Variants in IL1RAPL1 observed in about 807,000 individuals in gnomAD.
IL1RAPL1 encodes the protein interleukin 1 receptor accessory protein like 1, also known as interleukin-1 receptor accessory protein-like 1.
IL1RAPL1 carries 3 observed loss-of-function variants against 48.4 expected under a neutral mutation model. The ratio of observed to expected loss-of-function variants is 0.06; its 90% CI spans 0.03 to 0.16. The LOEUF is 0.16. IL1RAPL1 is among the 10% of genes least tolerant of loss of function. The pLI is 1.00. For synonymous variants in IL1RAPL1, 185 were observed against 187.7 expected, an observed-to-expected ratio of 0.99 and a Z score of 0.12; for missense variants, 349 against 530.6, an observed-to-expected ratio of 0.66 and a Z score of 3.36.
rs931334171 is a variant in IL1RAPL1 at position 29,495,234 on chromosome X, T to C, written c.703+95926T>C. Among the ~76,000 whole-genome samples, 3 of 112,167 alleles carry C rather than the reference T, an allele frequency of 2.7e-5. No individual in the cohort carries two copies. The East Asian group carries it at 8.4e-4, about 31-fold the overall frequency. On this transcript the variant is annotated intron_variant, in intron 5 of 10. Transcript: ENST00000378993. ...GACATTTTCAAATTCGGTTTGAAAA[T>C]ACAACTAGAGTTTACCATTATTTAT...
intron 3 of IL1RAPL1, among the ~76,000 whole-genome samples, chrX:29,363,516 G>T (rs1372105764): frequency 2.7e-5 from 3 of 111,450 alleles, no homozygotes; most frequent in African/African-American, 9.8e-5. Context: ...GAAAAAATAC[G>T]AATGCAGAAG....
chrX:28,725,551 C>A (rs1466119717), intron 1 of IL1RAPL1, among the ~76,000 whole-genome samples: 3 of 111,695 alleles, frequency 2.7e-5, no homozygotes, highest in African/African-American at 9.8e-5. Flanking sequence ...TGTGTGCCAC[C>A]CTCTTAGCAC....
Position 29,269,096 on chromosome X carries a change from C to T in IL1RAPL1, c.83-13842C>T, listed in dbSNP as rs143692129. Among the ~76,000 whole-genome samples the T allele has an allele frequency of 6.8e-4, 76 of 112,051 alleles. No homozygotes were observed. The East Asian group carries it at 0.015, about 22-fold the overall frequency. On this transcript the variant is annotated intron_variant, in intron 2 of 10. Coordinates refer to ENST00000378993, the MANE Select transcript of IL1RAPL1 (RefSeq NM_014271.4). ...GTTCCTCTTTAAAGCTATTTATTAA[C>T]CATACAAAAACATACTTTCACTCAC... is the stretch of plus-strand genomic sequence containing the variant.
At chrX:29,945,230 G>A (rs1000285364) in intron 9 of IL1RAPL1, among the ~76,000 whole-genome samples, 4 of 111,719 alleles carry the variant, frequency 3.6e-5, no homozygotes, top group African/African-American at 1.3e-4. Flanking sequence ...TGCTTTTATG[G>A]TCAAAGAATG....
intron 2 of IL1RAPL1, among the ~76,000 whole-genome samples, chrX:28,931,651 A>T (rs1225538830): frequency 8.9e-6 from 1 of 112,068 alleles, no homozygotes; most frequent in East Asian, 2.8e-4. Context: ...ATTACAATGT[A>T]GTTGAATTGT....
intron 2 of IL1RAPL1, among the ~76,000 whole-genome samples, chrX:29,047,667 A>G (rs1018555819): frequency 4.5e-5 from 5 of 111,285 alleles, no homozygotes; most frequent in African/African-American, 1.6e-4. Flanking sequence ...ACCTGTGACC[A>G]CAGAGCCCAA....
At chrX:29,280,042 A>G (rs1255061751) in intron 2 of IL1RAPL1, among the ~76,000 whole-genome samples, 1 of 112,252 alleles carries the variant, frequency 8.9e-6, no homozygotes, top group East Asian at 2.8e-4. Context: ...TCCATGACAG[A>G]TAGTCAGTTA....
rs545469762 is a variant in IL1RAPL1, at chrX:29,503,346, C to T, written c.703+104038C>T. 9.0e-5 allele frequency among the ~76,000 whole-genome samples: 10 copies of T among 111,311 alleles called. No individual in the cohort carries two copies. In the South Asian group the frequency reaches 2.6e-3, roughly 29 times the overall value. ...TTTGTTTGTTTGTTTGTTTCAATTTCGTTTGTTTCTGCTTAGATCTTTATT... is the reference window on the plus strand; with the variant it reads ...TTTGTTTGTTTGTTTGTTTCAATTTTGTTTGTTTCTGCTTAGATCTTTATT... On this transcript the variant is annotated intron_variant, in intron 5 of 10. Coordinates refer to ENST00000378993, the MANE Select transcript of IL1RAPL1 (RefSeq NM_014271.4).
chrX:29,336,297 G>A (rs1932994750), intron 3 of IL1RAPL1, among the ~76,000 whole-genome samples: 2 of 17,235 alleles, frequency 1.2e-4, no homozygotes, highest in Non-Finnish European at 1.6e-4. Context: ...TATATGCACC[G>A]TTTTGGGGTG....
intron 1 of IL1RAPL1, among the ~76,000 whole-genome samples, chrX:28,694,062 G>A (rs1935205532): frequency 9.0e-6 from 1 of 111,224 alleles, no homozygotes; most frequent in African/African-American, 3.3e-5. Flanking sequence ...CCTGCACAGA[G>A]TCTCCTTTGG....
intron 1 of IL1RAPL1, among the ~76,000 whole-genome samples, chrX:28,776,684 A>T (rs1311310989): frequency 8.9e-6 from 1 of 111,885 alleles, no homozygotes; most frequent in Non-Finnish European, 1.9e-5. Flanking sequence ...CATAGAACCT[A>T]ATTTTCTAGC....
chrX:29,114,207 A>G (rs1359017619), intron 2 of IL1RAPL1, among the ~76,000 whole-genome samples: 1 of 111,907 alleles, frequency 8.9e-6, no homozygotes. Context: ...CTGTTTTTCA[A>G]AAGTATAGTA....
At chrX:28,681,495 G>A (rs950105837) in intron 1 of IL1RAPL1, among the ~76,000 whole-genome samples, 5 of 111,327 alleles carry the variant, frequency 4.5e-5, no homozygotes, top group Non-Finnish European at 9.4e-5. Context: ...TTGTTTGTCA[G>A]GGTTGGGGGG....
intron 6 of IL1RAPL1, among the ~76,000 whole-genome samples, chrX:29,780,042 C>T (rs148590062): frequency 0.022 from 2,474 of 110,534 alleles, 23 homozygotes; most frequent in Non-Finnish European, 0.034. Flanking sequence ...CGTTTGCTGA[C>T]GAAGGGTGTA....
At chrX:29,024,980 C>A (rs767894743) in intron 2 of IL1RAPL1, among the ~76,000 whole-genome samples, 20 of 111,497 alleles carry the variant, frequency 1.8e-4, no homozygotes, top group African/African-American at 5.9e-4. Context: ...CCTCTCTGCC[C>A]AGCCCTAGGC....
In IL1RAPL1 at chrX:28,667,602, G is replaced by T. The variant is rs747419712; in HGVS notation, c.-25+79555G>T. On this transcript the variant is annotated intron_variant, in intron 1 of 10. Coordinates refer to ENST00000378993, the MANE Select transcript of IL1RAPL1 (RefSeq NM_014271.4). ...TCTGAACACCCTTCTGATGACTACAGCTCTGATCCCTCCTCTCCTGGTGAA... is the reference window on the plus strand; with the variant it reads ...TCTGAACACCCTTCTGATGACTACATCTCTGATCCCTCCTCTCCTGGTGAA... Among the ~76,000 whole-genome samples, 5 of 111,995 alleles carry T rather than the reference G, an allele frequency of 4.5e-5. No homozygotes were observed. The South Asian group carries it at 1.1e-3, about 25-fold the overall frequency.
At chrX:29,270,693 T>C (rs1436411504) in intron 2 of IL1RAPL1, among the ~76,000 whole-genome samples, 2 of 112,252 alleles carry the variant, frequency 1.8e-5, no homozygotes, top group East Asian at 2.8e-4. Flanking sequence ...GTAACTGTGA[T>C]AAATCTTGAA....
At chrX:29,393,182 C>T (rs1191422557) in intron 3 of IL1RAPL1, among the ~76,000 whole-genome samples, 1 of 110,163 alleles carries the variant, frequency 9.1e-6, no homozygotes, top group Non-Finnish European at 1.9e-5. Flanking sequence ...CTTGCAGTCT[C>T]GCGATCTCGG....
chrX:29,956,181 GCTTTT>G lies in IL1RAPL1; in HGVS notation c.*362_*366del. The G allele has an allele frequency of 4.7e-6, 1 of 211,076 alleles. No homozygotes were observed. The highest frequency in any genetic ancestry group is 6.9e-5 in the Admixed American group (1 of 14,545). 17.4% of individuals were successfully genotyped at this position (211,076 alleles called of 1,213,427 possible). On this transcript the variant is annotated 3_prime_UTR_variant, in exon 11 of 11. Transcript: ENST00000378993. ...ATTTCCTTTTTTAAAATTTTACTTT[GCTTTT>G]AACATTTCCTTGGGGTGCTTGGACA...
Sources: allele counts gnomAD v4.1 joint callset (sites outside exome capture counted in the v4.1 genomes callset), GRCh38; gene constraint gnomAD v4.1.1; transcripts MANE v1.5; gene names NCBI Gene and HGNC (gene_info 2026-07-23, HGNC 2026-07-21).